PRIMA1: variants seen among roughly 807,000 people sequenced by gnomAD.
PRIMA1 encodes the protein proline-rich membrane anchor 1.
A neutral mutation model predicts 17.5 loss-of-function variants in PRIMA1; 7 were observed. The observed-to-expected ratio is 0.40, with a 90% CI of 0.23 to 0.75. PRIMA1 has a LOEUF of 0.75. Among genes scored for constraint, PRIMA1 ranks in the 30% least tolerant of loss-of-function variants. The pLI is 0.37. For synonymous variants in PRIMA1, 97 were observed against 77.9 expected (o/e 1.25, Z -1.29); for missense variants, 200 against 201.8 (o/e 0.99, Z 0.05).
chr14:93,753,546 G>A (rs1250593605), intron 3 of PRIMA1, among the ~76,000 whole-genome samples: 1 of 152,162 alleles, frequency 6.6e-6, no homozygotes, highest in African/African-American at 2.4e-5. Context: ...TTGGGAGCAG[G>A]GAGCAGGCGC....
rs536433978 is a variant in PRIMA1, at chr14:93,732,576, A to G, written c.359+4665T>C. Among the ~76,000 whole-genome samples, 4 of 152,238 alleles carry G rather than the reference A, an allele frequency of 2.6e-5. No individual in the cohort carries two copies. The South Asian group carries it at 8.3e-4, about 32-fold the overall frequency. On this transcript the variant is annotated intron_variant, in intron 4 of 4. Coordinates refer to ENST00000393140, the MANE Select transcript of PRIMA1 (RefSeq NM_178013.4). The stretch of plus-strand genomic sequence containing the variant: ...AAAGGTATGTGCAGCATGGGCAGGG[A>G]CTGTGCCGGTGGTGCCCACTCCTGT...
intron 3 of PRIMA1, among the ~76,000 whole-genome samples, chr14:93,776,019 A>G (rs940475453): frequency 1.3e-5 from 2 of 152,226 alleles, no homozygotes; most frequent in Admixed American, 1.3e-4. Context: ...CCCTCGGACT[A>G]CTGGGAAACA....
chr14:93,725,036 G>A (rs1437603367), intron 4 of PRIMA1, among the ~76,000 whole-genome samples: 4 of 152,188 alleles, frequency 2.6e-5, no homozygotes, highest in East Asian at 3.9e-4. Flanking sequence ...TCGTACTCGC[G>A]GGCCCTGGGG....
At chr14:93,752,982 C>T (rs1202194465) in intron 3 of PRIMA1, among the ~76,000 whole-genome samples, 2 of 152,158 alleles carry the variant, frequency 1.3e-5, no homozygotes, top group African/African-American at 2.4e-5. Context: ...CATCCCTGGC[C>T]TCTACCCACT....
intron 2 of PRIMA1, among the ~76,000 whole-genome samples, chr14:93,780,713 T>C (rs1048617869): frequency 2.6e-5 from 4 of 152,234 alleles, no homozygotes; most frequent in African/African-American, 9.6e-5. Flanking sequence ...AAACTTCTTA[T>C]GCAGAGCCAG....
chr14:93,740,962 C>T (rs936203428), intron 3 of PRIMA1, among the ~76,000 whole-genome samples: 2 of 152,176 alleles, frequency 1.3e-5, no homozygotes, highest in African/African-American at 4.8e-5. Context: ...TTTTGCTATT[C>T]CTTTTCAAAC....
chr14:93,758,911 C>T (rs1566972300), intron 3 of PRIMA1, among the ~76,000 whole-genome samples: 3 of 152,172 alleles, frequency 2.0e-5, no homozygotes, highest in African/African-American at 7.2e-5. Context: ...GCAATGCTAC[C>T]TGCCCGCTCT....
intron 4 of PRIMA1, among the ~76,000 whole-genome samples, chr14:93,729,143 C>T (rs895413642): frequency 3.3e-5 from 5 of 152,206 alleles, no homozygotes; most frequent in African/African-American, 1.2e-4. Flanking sequence ...AAGATCGAGT[C>T]TTGATTCTGG....
intron 3 of PRIMA1, among the ~76,000 whole-genome samples, chr14:93,765,251 A>C (rs1595216294): frequency 6.6e-6 from 1 of 151,672 alleles, no homozygotes; most frequent in Admixed American, 6.6e-5. Flanking sequence ...TCCAGAGTTG[A>C]TCTTTCATCA....
In PRIMA1 at chr14:93,726,563, T is replaced by TAC. The variant is rs753778906; in HGVS notation, c.360-5019_360-5018dup. 3.3e-5 allele frequency among the ~76,000 whole-genome samples: 5 copies of TAC among 150,264 alleles called. No individual in the cohort carries two copies. Among genetic ancestry groups the TAC allele is most frequent in the African/African-American group, 9.8e-5 (4 of 40,834 alleles). ...ACATGTACACATGCACAAATCCACA[T>TAC]ACACACACACTATACACATACACAT... On this transcript the variant is annotated intron_variant, in intron 4 of 4. Transcript: ENST00000393140. This position sits in a 1 kb window ranked among gnomAD's most constrained non-coding sequence, Gnocchi z 4.2.
At chr14:93,770,401 G>C (rs1344358942) in intron 3 of PRIMA1, among the ~76,000 whole-genome samples, 1 of 152,194 alleles carries the variant, frequency 6.6e-6, no homozygotes, top group Non-Finnish European at 1.5e-5. Context: ...CTCCCTGTGG[G>C]CTCACCTCCT....
Position 93,741,345 on chromosome 14 carries a change from A to G in PRIMA1, c.230-3975T>C, listed in dbSNP as rs143069624. ...GGGTTGGGACCCTGATCTTTGGGCT[A>G]CAGCTGGGTCTATCCCTGCCTGAAC... On this transcript the variant is annotated intron_variant, in intron 3 of 4. Transcript: ENST00000393140. 5.9e-3 allele frequency among the ~76,000 whole-genome samples: 901 copies of G among 152,328 alleles called. 2 individuals carry two copies. The highest frequency in any genetic ancestry group is 0.034 in the Middle Eastern group (10 of 294).
chr14:93,728,552 T>A (rs2076094262), intron 4 of PRIMA1, among the ~76,000 whole-genome samples: 1 of 152,070 alleles, frequency 6.6e-6, no homozygotes, highest in Non-Finnish European at 1.5e-5. Flanking sequence ...TGTCTGGGTC[T>A]TATCCTGACT....
chr14:93,758,734 G>A (rs1167976871), intron 3 of PRIMA1, among the ~76,000 whole-genome samples: 1 of 152,152 alleles, frequency 6.6e-6, no homozygotes, highest in Non-Finnish European at 1.5e-5. Flanking sequence ...CCACCAATGT[G>A]GAGTCCCTGG....
chr14:93,779,225 C>T lies in PRIMA1; in HGVS notation c.180G>A (p.Leu60=). 2 of 532,652 alleles carry T rather than the reference C, an allele frequency of 3.8e-6. No individual in the cohort carries two copies. Among genetic ancestry groups the T allele is most frequent in the South Asian group, 3.2e-5 (1 of 31,472 alleles). The allele number at this position is 532,652 out of a possible 1,614,324, so 33.0% of individuals were successfully genotyped here. ...GTGGCGGGGGTGGGGGCGGCGGGGG[C>T]AGCGGGGGAGGGGGCCGGCACTGGC... The part of the protein sequence containing the change: ...HVCQCRPPPP[L]PPPPPPPPPP... The change falls in exon 3 of 5, where the codon CTG becomes CTA. Residue 60 remains leucine, a synonymous_variant. Coordinates refer to ENST00000393140, the MANE Select transcript of PRIMA1 (RefSeq NM_178013.4).
At chr14:93,755,218 G>GA (rs1197295007) in intron 3 of PRIMA1, among the ~76,000 whole-genome samples, 2 of 151,970 alleles carry the variant, frequency 1.3e-5, no homozygotes, top group East Asian at 3.9e-4. Flanking sequence ...TCAAGATGAT[G>GA]TGTGTGTGTG....
intron 3 of PRIMA1, among the ~76,000 whole-genome samples, chr14:93,755,733 G>A (rs758080568): frequency 5.9e-5 from 9 of 152,166 alleles, no homozygotes; most frequent in African/African-American, 7.2e-5. Flanking sequence ...AGCTGGAGAC[G>A]TGGAAAACCA....
At chr14:93,738,814 C>T (rs948190276) in intron 3 of PRIMA1, among the ~76,000 whole-genome samples, 8 of 152,206 alleles carry the variant, frequency 5.3e-5, no homozygotes, top group African/African-American at 1.9e-4. Flanking sequence ...CCCCGTGCCT[C>T]TTTCTAATCA....
At chr14:93,765,139 A>T (rs1019032135) in intron 3 of PRIMA1, among the ~76,000 whole-genome samples, 9 of 151,932 alleles carry the variant, frequency 5.9e-5, no homozygotes, top group African/African-American at 2.2e-4. Context: ...TTGTCTCAGC[A>T]TCTGTTCCTG....
Sources: allele counts gnomAD v4.1 joint callset (sites outside exome capture counted in the v4.1 genomes callset), GRCh38; gene constraint gnomAD v4.1.1; non-coding constraint Gnocchi (gnomAD v3.1); transcripts MANE v1.5; gene names NCBI Gene and HGNC (gene_info 2026-07-23, HGNC 2026-07-21).